RBFOX1: variants seen among roughly 807,000 people sequenced by gnomAD.
RBFOX1 encodes RNA binding fox-1 homolog 1.
A neutral mutation model predicts 57.7 loss-of-function variants in RBFOX1; 8 were observed. The ratio of observed to expected loss-of-function variants is 0.14; its 90% CI spans 0.08 to 0.25. The LOEUF is 0.25. Among genes scored for constraint, RBFOX1 ranks in the 10% least tolerant of loss-of-function variants. The pLI is 1.00. For synonymous variants in RBFOX1, 326 were observed against 222.4 expected (o/e 1.47, Z -4.15); for missense variants, 611 against 548.5 (o/e 1.11, Z -1.14).
chr16:5,360,191 A>G (rs539307930), intron 1 of RBFOX1, among the ~76,000 whole-genome samples: 1 of 152,322 alleles, frequency 6.6e-6, no homozygotes, highest in South Asian at 2.1e-4. Flanking sequence ...ATCCGTGGAC[A>G]CGCAGGCCTG....
At chr16:7,082,163 C>A (rs1252298111) in intron 4 of RBFOX1, among the ~76,000 whole-genome samples, 1 of 152,110 alleles carries the variant, frequency 6.6e-6, no homozygotes, top group Admixed American at 6.5e-5. Context: ...AAACTCCAGC[C>A]TTCTGGTTGG....
rs1448263567 is a variant in RBFOX1, at chr16:6,441,425, C to CT, written c.-64+124376dup. Among the ~76,000 whole-genome samples the CT allele has an allele frequency of 6.6e-5, 10 of 151,124 alleles. No homozygotes were observed. In the South Asian group the frequency reaches 8.4e-4, roughly 13 times the overall value. On this transcript the variant is annotated intron_variant, in intron 2 of 15. Transcript: ENST00000550418. ...TTTGTTTTGTTTTGTTTTGTTTTTT[C>CT]TTTTTTTTGAGACGGAGTTTTGCTC...
At chr16:7,047,320 C>A (rs572263372) in intron 3 of RBFOX1, among the ~76,000 whole-genome samples, 1 of 152,108 alleles carries the variant, frequency 6.6e-6, no homozygotes, top group Non-Finnish European at 1.5e-5. Context: ...GTAGTATTCT[C>A]AGTTGACAAT....
intron 3 of RBFOX1, among the ~76,000 whole-genome samples, chr16:6,899,331 A>T (rs887578862): frequency 1.3e-5 from 2 of 152,140 alleles, no homozygotes; most frequent in Non-Finnish European, 2.9e-5. Flanking sequence ...GTTTCCTTGC[A>T]TTCCATTTTC....
chr16:6,142,331 C>T (rs576739660), intron 1 of RBFOX1, among the ~76,000 whole-genome samples: 18 of 150,916 alleles, frequency 1.2e-4, no homozygotes, highest in African/African-American at 4.4e-4. Context: ...ACGCCATTCT[C>T]CTGTCTCAGC....
Position 5,476,557 on chromosome 16 carries a change from A to G in RBFOX1, c.258+9303A>G, listed in dbSNP as rs145024672. ...AATTTGAAGCTCAGCCCTGGCACTC[A>G]CAGGTTTAACAGTGTCCATCTTACC... On this transcript the variant is annotated intron_variant, in intron 2 of 2. Coordinates refer to the RBFOX1 transcript ENST00000585867. Among the ~76,000 whole-genome samples, 867 of 152,350 alleles carry G rather than the reference A, an allele frequency of 5.7e-3. 14 individuals carry two copies. Among genetic ancestry groups the G allele is most frequent in the African/African-American group, 0.02 (833 of 41,586 alleles).
intron 9 of RBFOX1, among the ~76,000 whole-genome samples, chr16:7,601,241 C>T (rs565707255): frequency 6.6e-6 from 1 of 152,334 alleles, no homozygotes; most frequent in Admixed American, 6.5e-5. Context: ...GTTGTTTAAA[C>T]TCTCCATGTG....
At chr16:6,394,989 G>T (rs1022026363) in intron 2 of RBFOX1, among the ~76,000 whole-genome samples, 1 of 152,200 alleles carries the variant, frequency 6.6e-6, no homozygotes. Context: ...TTGATGTACA[G>T]ATAGGAAAAT....
intron 2 of RBFOX1, among the ~76,000 whole-genome samples, chr16:6,574,871 T>C (rs1195482929): frequency 2.0e-5 from 3 of 150,744 alleles, no homozygotes; most frequent in Non-Finnish European, 4.4e-5. Flanking sequence ...ACCCCGTCTC[T>C]ACTAAAAATA....
At chr16:5,771,635 C>G (rs1026338609) in intron 3 of RBFOX1, among the ~76,000 whole-genome samples, 1 of 152,148 alleles carries the variant, frequency 6.6e-6, no homozygotes, top group Non-Finnish European at 1.5e-5. Context: ...TCTTGAACTT[C>G]TAGCCTCATG....
intron 3 of RBFOX1, among the ~76,000 whole-genome samples, chr16:6,843,034 G>A (rs1035350139): frequency 6.6e-6 from 1 of 152,118 alleles, no homozygotes; most frequent in Non-Finnish European, 1.5e-5. Context: ...GTATTCCATG[G>A]TGTGTATGTG....
At chr16:6,316,841 T>G (rs938474363) in intron 1 of RBFOX1, among the ~76,000 whole-genome samples, 154 bp from the exon 2 acceptor site, 1 of 152,180 alleles carries the variant, frequency 6.6e-6, no homozygotes, top group Admixed American at 6.5e-5. Flanking sequence ...CTGAATCATT[T>G]TCATCATCAT....
intron 1 of RBFOX1, among the ~76,000 whole-genome samples, chr16:5,377,267 G>C (rs2066010062): frequency 6.6e-6 from 1 of 151,562 alleles, no homozygotes; most frequent in South Asian, 2.1e-4. Flanking sequence ...AGTAGGGTAA[G>C]TGCTTTGAAG....
At chr16:6,414,266 C>A (rs1408728527) in intron 2 of RBFOX1, among the ~76,000 whole-genome samples, 1 of 152,180 alleles carries the variant, frequency 6.6e-6, no homozygotes, top group Non-Finnish European at 1.5e-5. Flanking sequence ...GTCAAGTCAC[C>A]TAATGTACTT....
At chr16:6,875,514 T>G (rs999376895) in intron 3 of RBFOX1, among the ~76,000 whole-genome samples, 1 of 152,172 alleles carries the variant, frequency 6.6e-6, no homozygotes, top group African/African-American at 2.4e-5. Flanking sequence ...ATCAATTCAG[T>G]GCTCTGGCAA....
At chr16:7,135,796 C>T (rs965209806) in intron 4 of RBFOX1, among the ~76,000 whole-genome samples, 1 of 152,322 alleles carries the variant, frequency 6.6e-6, no homozygotes, top group Admixed American at 6.5e-5. Context: ...TTCTGAAGGC[C>T]TCATTCCACT....
At chr16:6,555,019 T>C (rs1269408074) in intron 2 of RBFOX1, among the ~76,000 whole-genome samples, 2 of 152,056 alleles carry the variant, frequency 1.3e-5, no homozygotes, top group South Asian at 2.1e-4. Context: ...CTTCTTAGCA[T>C]GGAGGAATGA....
At chr16:6,108,377 A>G (rs769287192) in intron 1 of RBFOX1, among the ~76,000 whole-genome samples, 3 of 152,094 alleles carry the variant, frequency 2.0e-5, no homozygotes, top group Admixed American at 1.3e-4. Context: ...AGATACTAAC[A>G]CTTGTAAGGT....
chr16:7,505,826 A>G (rs1033327073), intron 4 of RBFOX1, among the ~76,000 whole-genome samples: 1 of 152,196 alleles, frequency 6.6e-6, no homozygotes, highest in South Asian at 2.1e-4. Context: ...GGATTCTGTC[A>G]TCTTTGTTGT....
Sources: gnomAD v4.1 joint callset for allele counts (sites outside exome capture counted in the v4.1 genomes callset) on GRCh38, gnomAD v4.1.1 for gene constraint, MANE v1.5 for transcripts, NCBI Gene and HGNC (gene_info 2026-07-23, HGNC 2026-07-21) for gene names.